Variants in FGD6 observed in about 807,000 individuals in gnomAD.
FGD6 encodes FYVE, RhoGEF and PH domain containing 6, also known as FYVE, RhoGEF and PH domain-containing protein 6.
In FGD6, 90 loss-of-function variants were observed where a neutral mutation model predicts 149.4. The observed-to-expected ratio is 0.60, with a 90% CI of 0.51 to 0.72. The LOEUF is 0.72. Ranked by LOEUF, FGD6 falls within the 30% of genes least tolerant of loss-of-function variation. The pLI is 0.00. For missense variants in FGD6, 1,437 were observed against 1,684.8 expected, an observed-to-expected ratio of 0.85 and a Z score of 2.57; for synonymous variants, 527 against 584.0, an observed-to-expected ratio of 0.90 and a Z score of 1.41.
chr12:95,100,828 C>T (rs754793106), intron 14 of FGD6: 80 of 402,904 alleles, frequency 2.0e-4, no homozygotes, highest in Non-Finnish European at 3.2e-4. Context: ...GGATCAGGAC[C>T]TTGCCGTCTT....
In FGD6 at chr12:95,134,766, T is replaced by G; in HGVS notation, c.3055A>C (p.Ile1019Leu). 6.2e-7 allele frequency: 1 copy of G among 1,613,876 alleles called. No individual in the cohort carries two copies. The highest frequency in any genetic ancestry group is 8.5e-7 in the Non-Finnish European group (1 of 1,179,910). Residue 1019 changes from isoleucine to leucine, a missense_variant, in exon 8 of 21, where the codon ATC becomes CTC. Ile to Leu is a conservative substitution (Grantham distance 5). Coordinates refer to ENST00000343958, the MANE Select transcript of FGD6 (RefSeq NM_018351.4). ...GTCAGCAACAGCCTGTACTGGGGGA[T>G]CCTCTGAACCGGCTTGAGCAGGTAG... ...KHYLLKPVQR[I>L]PQYRLLLTDY... is the part of the protein sequence containing the mutation.
chr12:95,119,223 T>C (rs938498299), intron 8 of FGD6, among the ~76,000 whole-genome samples: 1 of 152,202 alleles, frequency 6.6e-6, no homozygotes, highest in African/African-American at 2.4e-5. Context: ...AATATCCTCA[T>C]GCATAAAATA....
At chr12:95,087,520 C>T (rs1877919518) in intron 18 of FGD6, among the ~76,000 whole-genome samples, 2 of 152,178 alleles carry the variant, frequency 1.3e-5, no homozygotes, top group African/African-American at 4.8e-5. Context: ...GAAGGCAAGG[C>T]CCCCAGTCTT....
At position 95,157,566 on chromosome 12, in the gene FGD6, C is replaced by CAA. The variant is rs71078615; in HGVS notation, c.2587-4575_2587-4574dup. On this transcript the variant is annotated intron_variant, in intron 3 of 20. Coordinates refer to ENST00000343958, the MANE Select transcript of FGD6 (RefSeq NM_018351.4). ...AGGCGACAAGAGCAAAACTCTGTCT[C>CAA]AAAAAAAAAAAAAAAAAGAATATAA... Among the ~76,000 whole-genome samples the CAA allele has an allele frequency of 9.8e-3, 1,110 of 113,268 alleles. 50 individuals carry two copies. The highest frequency in any genetic ancestry group is 0.026 in the African/African-American group (759 of 28,998). The allele number at this position is 113,268 out of a possible 152,430, so 74.3% of individuals were successfully genotyped here. A position where few individuals can be genotyped will look rare whatever the true frequency, so the allele number is the denominator to read the frequency against.
chr12:95,114,782 C>CA (rs1878956940), intron 8 of FGD6, among the ~76,000 whole-genome samples: 1 of 152,162 alleles, frequency 6.6e-6, no homozygotes, highest in Admixed American at 6.5e-5. Context: ...TAAATTAATA[C>CA]AAATTCCTTT....
chr12:95,207,003 T>A (rs532061307), intron 2 of FGD6, among the ~76,000 whole-genome samples: 1 of 152,228 alleles, frequency 6.6e-6, no homozygotes, highest in African/African-American at 2.4e-5. Context: ...TGCTTTTTTT[T>A]TTTTTTGGAG....
chr12:95,183,675 C>T lies in FGD6; in HGVS notation c.2442-10931G>A, dbSNP rs568453935. Among the ~76,000 whole-genome samples the T allele has an allele frequency of 3.9e-5, 6 of 152,224 alleles. No homozygotes were observed. In the East Asian group the frequency reaches 5.8e-4, roughly 15 times the overall value. On this transcript the variant is annotated intron_variant, in intron 2 of 20. Transcript: ENST00000343958. Reference sequence around the variant, plus strand: ...GCAACACATGGAGATCCCATCTCTACAAAACATAAAAAATTAGCCAAGTAT... The same window carrying T: ...GCAACACATGGAGATCCCATCTCTATAAAACATAAAAAATTAGCCAAGTAT...
At chr12:95,141,595 C>G in intron 5 of FGD6, 56 bp from the exon 6 acceptor site, 1 of 1,585,674 alleles carries the variant, frequency 6.3e-7, no homozygotes, top group Non-Finnish European at 8.6e-7. Flanking sequence ...TGATAACAAG[C>G]TTTTATCCTC....
At chr12:95,132,612 C>G (rs1477785422) in intron 8 of FGD6, among the ~76,000 whole-genome samples, 1 of 151,872 alleles carries the variant, frequency 6.6e-6, no homozygotes, top group African/African-American at 2.4e-5. Flanking sequence ...ATTAGCTGGG[C>G]GTGGTGGCAT....
At chr12:95,153,912 CGTGTGTGT>C (rs754945627) in intron 3 of FGD6, among the ~76,000 whole-genome samples, 2 of 141,410 alleles carry the variant, frequency 1.4e-5, no homozygotes, top group East Asian at 2.1e-4. Context: ...AAATGAAATT[CGTGTGTGT>C]GTGTGTGTGT....
chr12:95,087,105 C>T (rs1334362247), intron 18 of FGD6, among the ~76,000 whole-genome samples: 1 of 152,152 alleles, frequency 6.6e-6, no homozygotes, highest in Non-Finnish European at 1.5e-5. Context: ...GCTGGGATTA[C>T]AGGTATGAGC....
intron 2 of FGD6, among the ~76,000 whole-genome samples, chr12:95,180,751 CT>C (rs990387056): frequency 1.1e-4 from 17 of 151,886 alleles, no homozygotes; most frequent in Non-Finnish European, 1.9e-4. Flanking sequence ...TGCATTTTTA[CT>C]TTTTCAAAGT....
chr12:95,151,304 TC>T (rs1427131768), intron 5 of FGD6, among the ~76,000 whole-genome samples: 3 of 152,150 alleles, frequency 2.0e-5, no homozygotes, highest in African/African-American at 7.2e-5. Context: ...AGAGTCTTGA[TC>T]TGTCACCCAT....
At chr12:95,166,251 A>C (rs544684973) in intron 3 of FGD6, among the ~76,000 whole-genome samples, 1 of 152,294 alleles carries the variant, frequency 6.6e-6, no homozygotes, top group African/African-American at 2.4e-5. Context: ...TAGAAAGCCA[A>C]ATTTGTGGCC....
chr12:95,181,019 T>G (rs927615365), intron 2 of FGD6, among the ~76,000 whole-genome samples: 11 of 152,044 alleles, frequency 7.2e-5, no homozygotes, highest in Admixed American at 6.6e-4. Context: ...AAATCTCTTT[T>G]AACTATTGCT....
intron 2 of FGD6, among the ~76,000 whole-genome samples, chr12:95,201,416 C>T (rs528942196): frequency 6.6e-5 from 10 of 152,236 alleles, no homozygotes; most frequent in Admixed American, 1.3e-4. Context: ...GTCTCATTTC[C>T]TATTACTTTC....
intron 3 of FGD6, among the ~76,000 whole-genome samples, chr12:95,165,978 T>TC (rs1880801654): frequency 6.6e-6 from 1 of 151,458 alleles, no homozygotes; most frequent in Admixed American, 6.6e-5. Context: ...TTTTTTTTTT[T>TC]TCAATAGGGT....
At position 95,217,291 on chromosome 12, in the gene FGD6, C is replaced by A; in HGVS notation, c.-51G>T. Reference sequence around the variant, plus strand: ...CGCTCGGCCCCTCAATCCATCTTCCCCTTTCAGTCCATTGTTCCCACAGTT... The same window carrying A: ...CGCTCGGCCCCTCAATCCATCTTCCACTTTCAGTCCATTGTTCCCACAGTT... On this transcript the variant is annotated 5_prime_UTR_variant, in exon 1 of 21. Transcript: ENST00000343958. 6.3e-7 allele frequency: 1 copy of A among 1,579,896 alleles called. No homozygotes were observed. The highest frequency in any genetic ancestry group is 8.6e-7 in the Non-Finnish European group (1 of 1,157,968).
intron 5 of FGD6, among the ~76,000 whole-genome samples, chr12:95,150,188 C>T (rs557667000): frequency 4.5e-4 from 68 of 151,804 alleles, no homozygotes; most frequent in Non-Finnish European, 7.8e-4. Flanking sequence ...CCACCACGCC[C>T]GGCTAATTTT....
Sources: gnomAD v4.1 joint callset for allele counts (sites outside exome capture counted in the v4.1 genomes callset) on GRCh38, gnomAD v4.1.1 for gene constraint, MANE v1.5 for transcripts, NCBI Gene and HGNC (gene_info 2026-07-23, HGNC 2026-07-21) for gene names.